UAP1L1: variants seen among roughly 807,000 people sequenced by gnomAD.
The protein encoded by UAP1L1 is UDP-N-acetylglucosamine pyrophosphorylase 1 like 1.
A neutral mutation model predicts 45.3 loss-of-function variants in UAP1L1; 45 were observed. That is an observed-to-expected ratio of 0.99 (90% CI 0.78 to 1.27). The LOEUF (loss-of-function observed/expected upper bound fraction) is 1.27, where lower values mean the gene tolerates loss of function less well. Ranked by LOEUF, UAP1L1 falls within the 50% of genes most tolerant of loss-of-function variation. The pLI is 0.00. For synonymous variants in UAP1L1, 323 were observed against 303.9 expected (o/e 1.06, Z -0.65); for missense variants, 667 against 694.0 (o/e 0.96, Z 0.44).
At chr9:137,078,767 CCGAGGCTGTGTGGTCCT>C (rs1832738731) in intron 3 of UAP1L1, 90 bp downstream of exon 3, 1 of 1,461,168 alleles carries the variant, frequency 6.8e-7, no homozygotes, top group Non-Finnish European at 9.2e-7. Context: ...CGCGGCTGCC[CCGAGGCTGTGTGGTCCT>C]GGGTTAGGCG....
chr9:137,077,945 C>T lies in UAP1L1; in HGVS notation c.290-105C>T, dbSNP rs1312488898. ...ACTTTGAGACGTGTCTCGCCTCACGCGTTCCGGCCCCCGAGTCCTGGCGCC... is the reference window on the plus strand; with the variant it reads ...ACTTTGAGACGTGTCTCGCCTCACGTGTTCCGGCCCCCGAGTCCTGGCGCC... On this transcript the variant is annotated intron_variant, in intron 1 of 8. Transcript: ENST00000409858. The surrounding 1 kb of genome is among the most constrained non-coding windows in gnomAD (Gnocchi z 4.7). 4.6e-6 allele frequency: 7 copies of T among 1,524,080 alleles called. No individual in the cohort carries two copies. Among genetic ancestry groups the T allele is most frequent in the Non-Finnish European group, 6.1e-6 (7 of 1,142,068 alleles). 94.4% of individuals were successfully genotyped at this position (1,524,080 alleles called of 1,614,324 possible). A position where few individuals can be genotyped will look rare whatever the true frequency, so the allele number is the denominator to read the frequency against.
intron 2 of UAP1L1, 105 bp from the exon 3 acceptor site, chr9:137,078,397 C>CAACTGGA (rs2131540149): frequency 1.3e-6 from 2 of 1,592,824 alleles, no homozygotes; most frequent in African/African-American, 1.3e-5. Flanking sequence ...GCCCCAGCCC[C>CAACTGGA]AACTGGACAC....
Position 137,083,351 on chromosome 9 carries a change from G to C in UAP1L1, c.*622G>C, listed in dbSNP as rs1832822329. 6.6e-6 allele frequency: 1 copy of C among 152,634 alleles called. No individual in the cohort carries two copies. Among genetic ancestry groups the C allele is most frequent in the Admixed American group, 6.5e-5 (1 of 15,340 alleles). The allele number at this position is 152,634 out of a possible 1,614,324, so 9.5% of individuals were successfully genotyped here. A position where few individuals can be genotyped will look rare whatever the true frequency, so the allele number is the denominator to read the frequency against. On this transcript the variant is annotated 3_prime_UTR_variant, in exon 9 of 9. Transcript: ENST00000409858. ...TGGATGCCCAGCAAGGCCACAGAAA[G>C]AGCCTGATGTCCATGATCCAGGTGG...
chr9:137,079,655 C>T, intron 5 of UAP1L1: 1 of 602,374 alleles, frequency 1.7e-6, no homozygotes, highest in Non-Finnish European at 2.9e-6. Flanking sequence ...ACAAGCCGTG[C>T]TCAGCAGGCA....
chr9:137,080,109 A>C lies in UAP1L1; in HGVS notation c.1145A>C (p.Glu382Ala), dbSNP rs1402165383. 1 of 1,614,146 alleles carries C rather than the reference A, an allele frequency of 6.2e-7. No individual in the cohort carries two copies. The highest frequency in any genetic ancestry group is 8.5e-7 in the Non-Finnish European group (1 of 1,179,988). ...CTAAAACCGAACGGGATAAAGATGGAGAAGTTTGTGTTTGATGTGTTCCGG... is the reference window on the plus strand; with the variant it reads ...CTAAAACCGAACGGGATAAAGATGGCGAAGTTTGTGTTTGATGTGTTCCGG... Reference protein sequence around the residue: ...KPLKPNGIKMEKFVFDVFRFA... With the variant: ...KPLKPNGIKMAKFVFDVFRFA... Residue 382 changes from glutamate to alanine, a missense_variant, in exon 6 of 9, where the codon GAG (glutamate) becomes GCG (alanine). By Grantham distance (107) the Glu-to-Ala change is moderately radical (BLOSUM62 -1). Coordinates refer to ENST00000409858, the MANE Select transcript of UAP1L1 (RefSeq NM_207309.3).
In UAP1L1 at chr9:137,077,677, C is replaced by T. The variant is rs1471951992; in HGVS notation, c.145C>T (p.His49Tyr). 1.7e-6 allele frequency: 2 copies of T among 1,190,488 alleles called. No individual in the cohort carries two copies. Among genetic ancestry groups the T allele is most frequent in the South Asian group, 5.3e-5 (2 of 37,686 alleles). 73.7% of individuals were successfully genotyped at this position (1,190,488 alleles called of 1,614,324 possible). A position where few individuals can be genotyped will look rare whatever the true frequency, so the allele number is the denominator to read the frequency against. ...GCTGGAGCCCGAGGCGCTGCGCGAG[C>T]ACTGCCGGCGGGCGGCGGAGGCCTG... The part of the protein sequence containing the change: ...ALLEPEALRE[H>Y]CRRAAEACAR... Residue 49 changes from histidine (H) to tyrosine (Y), a missense_variant, in exon 1 of 9, where the codon CAC becomes TAC. His to Tyr is a moderately conservative substitution (Grantham distance 83). Coordinates refer to ENST00000409858, the MANE Select transcript of UAP1L1 (RefSeq NM_207309.3). The surrounding 1 kb of genome is among the most constrained non-coding windows in gnomAD (Gnocchi z 4.7).
intron 7 of UAP1L1, 152 bp downstream of exon 7, chr9:137,081,026 G>T (rs1199039236): frequency 1.1e-5 from 9 of 796,552 alleles, no homozygotes; most frequent in Non-Finnish European, 1.5e-5. Flanking sequence ...CTTGTGCCCA[G>T]CCAGCTCCAG....
Position 137,077,698 on chromosome 9 carries a change from G to T in UAP1L1, c.166G>T (p.Ala56Ser). 1 of 1,145,498 alleles carries T rather than the reference G, an allele frequency of 8.7e-7. No homozygotes were observed. The highest frequency in any genetic ancestry group is 1.1e-6 in the Non-Finnish European group (1 of 933,494). 71.0% of individuals were successfully genotyped at this position (1,145,498 alleles called of 1,614,324 possible). A position where few individuals can be genotyped will look rare whatever the true frequency, so the allele number is the denominator to read the frequency against. Residue 56 changes from alanine (A) to serine (S), a missense_variant, in exon 1 of 9, where the codon GCC (alanine) becomes TCC (serine). Ala to Ser is a moderately conservative substitution (Grantham distance 99, BLOSUM62 1). Transcript: ENST00000409858. The surrounding 1 kb of genome is among the most constrained non-coding windows in gnomAD (Gnocchi z 4.7). The part of the protein sequence containing the change: ...LREHCRRAAE[A>S]CARPHGPPPD... ...CGAGCACTGCCGGCGGGCGGCGGAG[G>T]CCTGCGCGCGCCCCCACGGCCCGCC...
Position 137,083,900 on chromosome 9 carries a change from G to A in UAP1L1, c.*1171G>A, listed in dbSNP as rs1165832382. 1.3e-5 allele frequency: 2 copies of A among 152,306 alleles called. No individual in the cohort carries two copies. The highest frequency in any genetic ancestry group is 2.9e-5 in the Non-Finnish European group (2 of 68,074). The allele number at this position is 152,306 out of a possible 1,614,324, so 9.4% of individuals were successfully genotyped here. ...CATCCCCATTGGTTTCCCAGGGGAG[G>A]GGTGTTGTCTGGAAGGGCAGGTTCA... On this transcript the variant is annotated 3_prime_UTR_variant, in exon 9 of 9. Transcript: ENST00000409858.
rs370815304 is a variant in UAP1L1 at position 137,080,217 on chromosome 9, G to A, written c.1178+75G>A. 6.0e-5 allele frequency: 95 copies of A among 1,577,436 alleles called. No individual in the cohort carries two copies. In the East Asian group the frequency reaches 1.6e-3, roughly 26 times the overall value. On this transcript the variant is annotated intron_variant, in intron 6 of 8. Transcript: ENST00000409858. ...GGTGGTGGGAACTGAGGCGCAGCTG[G>A]TAGGGAAGTAGAGGCTTGAGGGAGC... is the stretch of plus-strand genomic sequence containing the variant.
In UAP1L1 at chr9:137,078,075, G is replaced by A. The variant is rs1427228863; in HGVS notation, c.315G>A (p.Lys105=). 1 of 1,549,966 alleles carries A rather than the reference G, an allele frequency of 6.5e-7. No homozygotes were observed. Among genetic ancestry groups the A allele is most frequent in the East Asian group, 2.4e-5 (1 of 40,900 alleles). Residue 105 remains lysine (K), a synonymous_variant, in exon 2 of 9, where the codon AAG becomes AAA. Transcript: ENST00000409858. ...EEGFRQISLN[K]VAVLLLAGGQ... ...GTTTCCGTCAGATTTCTCTGAACAA[G>A]GTGGCCGTCCTGCTGCTGGCTGGGG...
In UAP1L1 at chr9:137,078,152, G is replaced by A. The variant is rs1832723353; in HGVS notation, c.392G>A (p.Gly131Glu). The change falls in exon 2 of 9, where the codon GGG becomes GAG. Residue 131 changes from glycine to glutamate, a missense_variant. Physicochemically the swap from Gly to Glu is moderately conservative, Grantham distance 98. Coordinates refer to ENST00000409858, the MANE Select transcript of UAP1L1 (RefSeq NM_207309.3). ...VTYPKGMYRV[G>E]LPSRKTLYQL... ...TACCCCAAGGGTATGTACCGTGTGG[G>A]GCTGCCCAGCCGGAAGACCCTGTAC... The A allele has an allele frequency of 1.9e-6, 3 of 1,549,970 alleles. No individual in the cohort carries two copies. Among genetic ancestry groups the A allele is most frequent in the Non-Finnish European group, 2.6e-6 (3 of 1,146,852 alleles).
Position 137,080,148 on chromosome 9 carries a change from TAGTAGAA to T in UAP1L1, c.1178+7_1178+13del. On this transcript the variant is annotated splice_region_variant and intron_variant, in intron 6 of 8. Transcript: ENST00000409858. Reference sequence around the variant, plus strand: ...GATGTGTTCCGGTTTGCTAAGTTAGTAGTAGAACTCATTTATTTTCCCCTTCTTCCTT... The same window carrying T: ...GATGTGTTCCGGTTTGCTAAGTTAGTCTCATTTATTTTCCCCTTCTTCCTT... The T allele has an allele frequency of 1.2e-6, 2 of 1,613,744 alleles. No homozygotes were observed. Among genetic ancestry groups the T allele is most frequent in the Non-Finnish European group, 8.5e-7 (1 of 1,179,698 alleles).
chr9:137,078,446 C>T (rs1832729252), intron 2 of UAP1L1, 56 bp from the exon 3 acceptor site: 1 of 1,610,582 alleles, frequency 6.2e-7, no homozygotes, highest in Non-Finnish European at 8.5e-7. Context: ...GTCCGAGCCC[C>T]GTCTGCCTGC....
intron 3 of UAP1L1, 42 bp from the exon 4 acceptor site, chr9:137,078,934 G>C (rs757748772): frequency 6.5e-7 from 1 of 1,550,372 alleles, no homozygotes; most frequent in Admixed American, 2.1e-5. Context: ...AGCGATCCCT[G>C]GCGGGAGCCC....
chr9:137,077,822 G>A lies in UAP1L1; in HGVS notation c.289+1G>A, dbSNP rs1329801532. ...ACACGGCGGCGCTGGGAGGAGGAAG[G>A]TAAGCGGGGTGGGAGGCCCTGGGGG... On this transcript the variant is annotated splice_donor_variant, in intron 1 of 8. Coordinates refer to ENST00000409858, the MANE Select transcript of UAP1L1 (RefSeq NM_207309.3). LOFTEE classifies it high-confidence loss of function. The surrounding 1 kb of genome is among the most constrained non-coding windows in gnomAD (Gnocchi z 4.7). 1.3e-5 allele frequency: 19 copies of A among 1,410,870 alleles called. No individual in the cohort carries two copies. Among genetic ancestry groups the A allele is most frequent in the Non-Finnish European group, 1.7e-5 (19 of 1,087,684 alleles). 87.4% of individuals were successfully genotyped at this position (1,410,870 alleles called of 1,614,324 possible).
At chr9:137,081,901 G>T in intron 7 of UAP1L1, 97 bp from the exon 8 acceptor site, 3 of 1,160,236 alleles carry the variant, frequency 2.6e-6, no homozygotes, top group Non-Finnish European at 2.6e-6. Context: ...TGGGGAGCCA[G>T]GTGTGTAGAG....
rs1288707329 is a variant in UAP1L1, at chr9:137,077,701, T to G, written c.169T>G (p.Cys57Gly). 1 of 1,147,776 alleles carries G rather than the reference T, an allele frequency of 8.7e-7. No homozygotes were observed. 71.1% of individuals were successfully genotyped at this position (1,147,776 alleles called of 1,614,324 possible). A position where few individuals can be genotyped will look rare whatever the true frequency, so the allele number is the denominator to read the frequency against. ...GCACTGCCGGCGGGCGGCGGAGGCC[T>G]GCGCGCGCCCCCACGGCCCGCCGCC... ...REHCRRAAEA[C>G]ARPHGPPPDL... The change falls in exon 1 of 9, where the codon TGC becomes GGC. Residue 57 changes from cysteine (C) to glycine (G), a missense_variant. Physicochemically the swap from Cys to Gly is radical, Grantham distance 159. Transcript: ENST00000409858. This position sits in a 1 kb window ranked among gnomAD's most constrained non-coding sequence, Gnocchi z 4.7.
At position 137,077,708 on chromosome 9, in the gene UAP1L1, G is replaced by T; in HGVS notation, c.176G>T (p.Arg59Leu). The change falls in exon 1 of 9, where the codon CGC (arginine) becomes CTC (leucine). Residue 59 changes from arginine (R) to leucine (L), a missense_variant. Coordinates refer to ENST00000409858, the MANE Select transcript of UAP1L1 (RefSeq NM_207309.3). The surrounding 1 kb of genome is among the most constrained non-coding windows in gnomAD (Gnocchi z 4.7). ...HCRRAAEACA[R>L]PHGPPPDLAA... ...CGGCGGGCGGCGGAGGCCTGCGCGC[G>T]CCCCCACGGCCCGCCGCCCGACTTG... The T allele has an allele frequency of 8.7e-7, 1 of 1,150,028 alleles. No individual in the cohort carries two copies. The allele number at this position is 1,150,028 out of a possible 1,614,324, so 71.2% of individuals were successfully genotyped here.
Sources: allele counts gnomAD v4.1 joint callset, GRCh38; gene constraint gnomAD v4.1.1; non-coding constraint Gnocchi (gnomAD v3.1); transcripts MANE v1.5; gene names NCBI Gene and HGNC (gene_info 2026-07-23, HGNC 2026-07-21).